Variants in CAMK1D observed in about 807,000 individuals in gnomAD.
CAMK1D encodes the protein calcium/calmodulin-dependent protein kinase type 1D.
Under a neutral mutation model 47.7 loss-of-function variants are expected in CAMK1D, and 9 were observed. That is an observed-to-expected ratio of 0.19 (90% CI 0.11 to 0.33). The LOEUF is 0.33. CAMK1D is among the 10% of genes least tolerant of loss of function. The probability of loss-of-function intolerance (pLI) is 1.00; values close to 1 mark genes in which losing one functional copy is unlikely to be tolerated. For synonymous variants in CAMK1D, 184 were observed against 184.9 expected, an observed-to-expected ratio of 0.99 and a Z score of 0.04; for missense variants, 291 against 488.7, an observed-to-expected ratio of 0.60 and a Z score of 3.81.
intron 1 of CAMK1D, among the ~76,000 whole-genome samples, chr10:12,480,307 C>T (rs543686975): frequency 2.0e-5 from 3 of 152,008 alleles, no homozygotes; most frequent in South Asian, 2.1e-4. Context: ...TGATAGCGCA[C>T]GCCTGCAATC....
chr10:12,445,085 T>A (rs1832889432), intron 1 of CAMK1D, among the ~76,000 whole-genome samples: 1 of 152,222 alleles, frequency 6.6e-6, no homozygotes, highest in African/African-American at 2.4e-5. Context: ...AGAGACAGGC[T>A]GGAATTTGGT....
chr10:12,622,223 T>C (rs925441887), intron 2 of CAMK1D, among the ~76,000 whole-genome samples: 1 of 152,090 alleles, frequency 6.6e-6, no homozygotes, highest in Admixed American at 6.6e-5. Context: ...CTGCTGGTGG[T>C]GGTGGGCCAT....
chr10:12,527,541 T>C (rs1479211862), intron 1 of CAMK1D, among the ~76,000 whole-genome samples: 1 of 152,024 alleles, frequency 6.6e-6, no homozygotes, highest in Non-Finnish European at 1.5e-5. Flanking sequence ...GTTGTTGTTG[T>C]ATTTTTAGTA....
chr10:12,493,774 G>A (rs1432516699), intron 1 of CAMK1D, among the ~76,000 whole-genome samples: 1 of 152,186 alleles, frequency 6.6e-6, no homozygotes, highest in South Asian at 2.1e-4. Context: ...GACTACAGGC[G>A]TGAGCCACTG....
chr10:12,713,152 C>CCT (rs1833998506), intron 3 of CAMK1D, among the ~76,000 whole-genome samples: 1 of 152,030 alleles, frequency 6.6e-6, no homozygotes, highest in African/African-American at 2.4e-5. Flanking sequence ...CTCACTGCAA[C>CCT]CTCTGCCTTC....
At chr10:12,583,049 G>A (rs923033608) in intron 2 of CAMK1D, among the ~76,000 whole-genome samples, 2 of 152,180 alleles carry the variant, frequency 1.3e-5, no homozygotes, top group African/African-American at 4.8e-5. Flanking sequence ...ACCAGCCTAG[G>A]CAACATGCAA....
rs1291708180 is a variant in CAMK1D, at chr10:12,827,472, G to GTCTGTCTT, written c.1040-1294_1040-1293insGTCTTTCT. Among the ~76,000 whole-genome samples, 6 of 5,096 alleles carry GTCTGTCTT rather than the reference G, an allele frequency of 1.2e-3. 2 individuals are homozygous for GTCTGTCTT. The highest frequency in any genetic ancestry group is 1.9e-3 in the African/African-American group (4 of 2,156). The allele number at this position is 5,096 out of a possible 152,430, so 3.3% of individuals were successfully genotyped here. A position where few individuals can be genotyped will look rare whatever the true frequency, so the allele number is the denominator to read the frequency against. Reference sequence around the variant, plus strand: ...CTTTCTTTTCTTTCTTTGTCTGTCTGTCTTTCTTTCTTTCTTTCTTTCTTT... The same window carrying GTCTGTCTT: ...CTTTCTTTTCTTTCTTTGTCTGTCTGTCTGTCTTTCTTTCTTTCTTTCTTTCTTTCTTT... On this transcript the variant is annotated intron_variant, in intron 10 of 10. Transcript: ENST00000619168.
At chr10:12,690,063 C>T (rs1221736279) in intron 3 of CAMK1D, among the ~76,000 whole-genome samples, 7 of 152,192 alleles carry the variant, frequency 4.6e-5, no homozygotes, top group African/African-American at 1.2e-4. Flanking sequence ...GACCTGAGTA[C>T]GGCCTCGTGC....
intron 5 of CAMK1D, among the ~76,000 whole-genome samples, chr10:12,784,966 A>G (rs1176465467): frequency 2.0e-5 from 3 of 152,200 alleles, no homozygotes; most frequent in East Asian, 1.9e-4. Flanking sequence ...GTAAAGGGAC[A>G]TTGGAGGTAC....
intron 6 of CAMK1D, among the ~76,000 whole-genome samples, chr10:12,810,151 T>TTAAAAAAAA (rs1554829102): frequency 1.2e-5 from 1 of 81,446 alleles, no homozygotes; most frequent in Non-Finnish European, 2.2e-5. Flanking sequence ...CCTGTCTCAT[T>TTAAAAAAAA]AAAAAAAAAA....
At chr10:12,460,670 C>T (rs1206676740) in intron 1 of CAMK1D, among the ~76,000 whole-genome samples, 1 of 152,136 alleles carries the variant, frequency 6.6e-6, no homozygotes, top group African/African-American at 2.4e-5. Context: ...CCTCATGATC[C>T]ACCCACCTCG....
intron 3 of CAMK1D, among the ~76,000 whole-genome samples, chr10:12,689,502 G>A (rs1588793902): frequency 1.3e-5 from 2 of 152,130 alleles, no homozygotes. Flanking sequence ...AACTTGCCGG[G>A]CGTGGTGGTG....
intron 1 of CAMK1D, among the ~76,000 whole-genome samples, chr10:12,473,925 A>G (rs1024697848): frequency 6.6e-6 from 1 of 152,208 alleles, no homozygotes; most frequent in African/African-American, 2.4e-5. Context: ...CCTCTTTCTT[A>G]CAATTGTGAG....
At chr10:12,350,432 G>C (rs555829672) in intron 1 of CAMK1D, among the ~76,000 whole-genome samples, 1 of 152,264 alleles carries the variant, frequency 6.6e-6, no homozygotes, top group Admixed American at 6.5e-5. Flanking sequence ...GAGGATGGAA[G>C]GGAAGGGCTT....
chr10:12,454,570 C>G (rs528807694), intron 1 of CAMK1D, among the ~76,000 whole-genome samples: 61 of 152,328 alleles, frequency 4.0e-4, no homozygotes, highest in Non-Finnish European at 7.5e-4. Flanking sequence ...TCAAGCGATT[C>G]TCCTGCCTCA....
At chr10:12,737,499 C>T (rs2130833918) in intron 3 of CAMK1D, among the ~76,000 whole-genome samples, 1 of 152,306 alleles carries the variant, frequency 6.6e-6, no homozygotes, top group Admixed American at 6.5e-5. Flanking sequence ...TGCCCTCTTT[C>T]CTCCGAGCTT....
chr10:12,562,441 A>G (rs889591973), intron 2 of CAMK1D, among the ~76,000 whole-genome samples: 3 of 152,134 alleles, frequency 2.0e-5, no homozygotes, highest in Non-Finnish European at 2.9e-5. Context: ...TCCTTCTCCC[A>G]CAGCACTGTG....
chr10:12,616,074 G>A (rs1277664391), intron 2 of CAMK1D, among the ~76,000 whole-genome samples: 3 of 151,398 alleles, frequency 2.0e-5, no homozygotes, highest in Admixed American at 1.3e-4. Flanking sequence ...AGGCGTGTTT[G>A]TGCGTGTATT....
chr10:12,639,313 T>C (rs904531509), intron 2 of CAMK1D, among the ~76,000 whole-genome samples: 1 of 152,148 alleles, frequency 6.6e-6, no homozygotes, highest in African/African-American at 2.4e-5. Flanking sequence ...GGTGAAACCC[T>C]GTGTCTACTA....
Sources: allele counts gnomAD v4.1 joint callset (sites outside exome capture counted in the v4.1 genomes callset), GRCh38; gene constraint gnomAD v4.1.1; transcripts MANE v1.5; gene names NCBI Gene and HGNC (gene_info 2026-07-23, HGNC 2026-07-21).